The following DNAH8 variants were observed in gnomAD, a reference collection of about 807,000 sequenced individuals.
DNAH8 encodes dynein axonemal heavy chain 8, also known as axonemal beta dynein heavy chain 8.
In DNAH8, 382 loss-of-function variants were observed where a neutral mutation model predicts 562.1. That is an observed-to-expected ratio of 0.68 (90% CI 0.63 to 0.74). The LOEUF (loss-of-function observed/expected upper bound fraction) is 0.74, where lower values mean the gene tolerates loss of function less well. DNAH8 is among the 30% of genes least tolerant of loss of function. The pLI is 0.00. For synonymous variants in DNAH8, 1,881 were observed against 1,919.4 expected (o/e 0.98, Z 0.52); for missense variants, 5,203 against 5,620.4 (o/e 0.93, Z 2.37).
intron 24 of DNAH8, among the ~76,000 whole-genome samples, chr6:38,813,509 A>G (rs1771983001): frequency 6.6e-6 from 1 of 151,998 alleles, no homozygotes; most frequent in Non-Finnish European, 1.5e-5. Context: ...CATTTATTAT[A>G]ATTTTGCCTG....
intron 23 of DNAH8, among the ~76,000 whole-genome samples, chr6:38,805,856 A>G (rs1302481892): frequency 2.6e-5 from 4 of 152,136 alleles, no homozygotes; most frequent in African/African-American, 4.8e-5. Flanking sequence ...ATGTTTTCTC[A>G]TATAGTAAAT....
At position 38,832,428 on chromosome 6, in the gene DNAH8, A is replaced by G; in HGVS notation, c.4295A>G (p.Tyr1432Cys). Residue 1432 changes from tyrosine (Y) to cysteine (C), a missense_variant, in exon 31 of 93, where the codon TAT (tyrosine) becomes TGT (cysteine). Coordinates refer to ENST00000327475, the MANE Select transcript of DNAH8 (RefSeq NM_001206927.2). ...GACGTGATAAACTTTGCAGAAGCAT[A>G]TGAATTGGTAATTTAAGTATTTTCT... is the stretch of plus-strand genomic sequence containing the variant. ...REDVINFAEA[Y>C]ELEGPMVPNI... The G allele has an allele frequency of 1.3e-6, 2 of 1,571,728 alleles. No homozygotes were observed. The highest frequency in any genetic ancestry group is 1.1e-5 in the South Asian group (1 of 90,118).
intron 83 of DNAH8, among the ~76,000 whole-genome samples, chr6:38,972,315 G>A (rs1296466827): frequency 6.6e-6 from 1 of 152,086 alleles, no homozygotes; most frequent in East Asian, 1.9e-4. Context: ...ACAAACTTTG[G>A]TGCAGCTTTT....
intron 29 of DNAH8, among the ~76,000 whole-genome samples, chr6:38,826,712 T>A (rs1391809677): frequency 6.6e-6 from 1 of 152,220 alleles, no homozygotes; most frequent in Non-Finnish European, 1.5e-5. Context: ...AATCCCAACA[T>A]GTTAGGCAAG....
intron 21 of DNAH8, among the ~76,000 whole-genome samples, chr6:38,794,155 G>A (rs1295233242): frequency 6.6e-6 from 1 of 152,092 alleles, no homozygotes; most frequent in Non-Finnish European, 1.5e-5. Context: ...TTTGCTCCCC[G>A]CCAGCCCAGA....
intron 91 of DNAH8, among the ~76,000 whole-genome samples, chr6:39,015,087 G>A (rs1159284872): frequency 4.6e-5 from 7 of 152,230 alleles, no homozygotes; most frequent in South Asian, 2.1e-4. Flanking sequence ...AGAGAGACAG[G>A]GAGCACTGGA....
At chr6:38,845,456 T>G (rs1443171880) in intron 35 of DNAH8, 118 bp from the exon 36 acceptor site, 1 of 692,192 alleles carries the variant, frequency 1.4e-6, no homozygotes, top group South Asian at 1.9e-5. Context: ...GTAAAATGAC[T>G]AAATGAACTG....
intron 85 of DNAH8, among the ~76,000 whole-genome samples, chr6:38,980,488 G>C (rs538137870): frequency 6.6e-6 from 1 of 152,068 alleles, no homozygotes; most frequent in African/African-American, 2.4e-5. Context: ...CTAAGTACAG[G>C]GTGGAAGATG....
At chr6:38,833,822 T>C (rs1020009324) in intron 31 of DNAH8, among the ~76,000 whole-genome samples, 3 of 152,236 alleles carry the variant, frequency 2.0e-5, no homozygotes, top group African/African-American at 7.2e-5. Context: ...GGGCCTCAGT[T>C]TACTTTTTAA....
chr6:38,960,682 T>C (rs1583460163), intron 82 of DNAH8, among the ~76,000 whole-genome samples: 1 of 152,006 alleles, frequency 6.6e-6, no homozygotes, highest in African/African-American at 2.4e-5. Context: ...AAATGTAAAT[T>C]AGTACTTTGG....
chr6:38,851,746 A>C, intron 39 of DNAH8, 72 bp downstream of exon 39: 1 of 941,052 alleles, frequency 1.1e-6, no homozygotes, highest in East Asian at 2.4e-5. Context: ...AAGTGAAGTT[A>C]AAATCTTAAA....
At chr6:38,994,248 A>C (rs759808153) in intron 88 of DNAH8, among the ~76,000 whole-genome samples, 3 of 152,140 alleles carry the variant, frequency 2.0e-5, no homozygotes, top group Non-Finnish European at 4.4e-5. Flanking sequence ...ATTTAATTTT[A>C]GGACTTATTT....
At chr6:39,007,256 T>G (rs1343430030) in intron 88 of DNAH8, among the ~76,000 whole-genome samples, 3 of 152,224 alleles carry the variant, frequency 2.0e-5, no homozygotes, top group Non-Finnish European at 4.4e-5. Flanking sequence ...AGGTGTAGAA[T>G]TGCTATATTA....
At chr6:38,979,169 C>G (rs1763875159) in intron 85 of DNAH8, among the ~76,000 whole-genome samples, 1 of 152,212 alleles carries the variant, frequency 6.6e-6, no homozygotes, top group African/African-American at 2.4e-5. Context: ...TTGTAAAGAC[C>G]AGCTTCAGTT....
chr6:38,735,819 C>T (rs1764038547), intron 5 of DNAH8, among the ~76,000 whole-genome samples: 1 of 152,136 alleles, frequency 6.6e-6, no homozygotes, highest in Admixed American at 6.5e-5. Flanking sequence ...AAATAATATG[C>T]TCAGACTGCT....
intron 53 of DNAH8, among the ~76,000 whole-genome samples, chr6:38,879,724 T>TC (rs1561806951): frequency 6.6e-6 from 1 of 151,970 alleles, no homozygotes; most frequent in African/African-American, 2.4e-5. Context: ...GCCAGTGCAG[T>TC]GGGGGGCAAA....
Position 38,866,867 on chromosome 6 carries a change from T to TA in DNAH8, c.6685dup (p.Thr2229AsnfsTer2). 4 of 1,597,818 alleles carry TA rather than the reference T, an allele frequency of 2.5e-6. No homozygotes were observed. The highest frequency in any genetic ancestry group is 3.4e-6 in the Non-Finnish European group (4 of 1,166,728). The stretch of plus-strand genomic sequence containing the variant: ...TTTACAAACTCTGTGAAGAGCAACT[T>TA]ACTAAACAGGTAACTTTATAGATCT... On this transcript the variant is annotated frameshift_variant, in exon 47 of 93. Coordinates refer to ENST00000327475, the MANE Select transcript of DNAH8 (RefSeq NM_001206927.2). LOFTEE classifies it high-confidence loss of function.
At chr6:38,761,913 T>C (rs1766556602) in intron 11 of DNAH8, 110 bp downstream of exon 11, 4 of 542,274 alleles carry the variant, frequency 7.4e-6, no homozygotes, top group South Asian at 2.7e-5. Context: ...TACAGAGTAG[T>C]GTTGAGAATA....
intron 92 of DNAH8, among the ~76,000 whole-genome samples, chr6:39,027,406 A>T (rs1457002907): frequency 6.6e-6 from 1 of 152,230 alleles, no homozygotes; most frequent in Non-Finnish European, 1.5e-5. Context: ...AGTGGAAAGG[A>T]ACATGGCTGG....
Sources: allele counts gnomAD v4.1 joint callset (sites outside exome capture counted in the v4.1 genomes callset), GRCh38; gene constraint gnomAD v4.1.1; transcripts MANE v1.5; gene names NCBI Gene and HGNC (gene_info 2026-07-23, HGNC 2026-07-21).